Variants in ADAM28 observed in about 807,000 individuals in gnomAD.
The protein encoded by ADAM28 is disintegrin and metalloproteinase domain-containing protein 28.
Under a neutral mutation model 101.2 loss-of-function variants are expected in ADAM28, and 105 were observed. That is an observed-to-expected ratio of 1.04 (90% CI 0.89 to 1.22). The LOEUF (loss-of-function observed/expected upper bound fraction) is 1.22, where lower values mean the gene tolerates loss of function less well. Ranked by LOEUF, ADAM28 falls within the 50% of genes most tolerant of loss-of-function variation. The probability of loss-of-function intolerance (pLI) is 0.00; values close to 1 mark genes in which losing one functional copy is unlikely to be tolerated. For missense variants in ADAM28, 1,028 were observed against 945.4 expected (o/e 1.09, Z -1.15); for synonymous variants, 322 against 310.6 (o/e 1.04, Z -0.39).
chr8:24,348,653 C>A (rs1467235319), intron 18 of ADAM28, among the ~76,000 whole-genome samples: 1 of 152,074 alleles, frequency 6.6e-6, no homozygotes, highest in African/African-American at 2.4e-5. Flanking sequence ...TTTTAATGGG[C>A]AGGTTGATCT....
chr8:24,345,439 T>C (rs1815291688), intron 18 of ADAM28, among the ~76,000 whole-genome samples: 1 of 152,100 alleles, frequency 6.6e-6, no homozygotes, highest in South Asian at 2.1e-4. Flanking sequence ...TATCATAATA[T>C]ACATTTTTTA....
At position 24,326,441 on chromosome 8, in the gene ADAM28, G is replaced by A. The variant is rs568261418; in HGVS notation, c.891-113G>A. The stretch of plus-strand genomic sequence containing the variant: ...TCAAAAACTAAAGAAAAATATGACA[G>A]TGATGGTTCACAGTGAGTTTTTCTG... On this transcript the variant is annotated intron_variant, in intron 9 of 22. Transcript: ENST00000265769. 9.9e-5 allele frequency: 91 copies of A among 923,216 alleles called. 1 individual carries two copies. In the South Asian group the frequency reaches 1.3e-3, roughly 14 times the overall value. The allele number at this position is 923,216 out of a possible 1,614,324, so 57.2% of individuals were successfully genotyped here.
Position 24,318,634 on chromosome 8 carries a change from TTC to T in ADAM28, c.577-1595_577-1594del, listed in dbSNP as rs1006272659. Among the ~76,000 whole-genome samples, 3 of 151,952 alleles carry T rather than the reference TTC, an allele frequency of 2.0e-5. No homozygotes were observed. In the South Asian group the frequency reaches 6.2e-4, roughly 32 times the overall value. ...TTTCTAAACCACAAACAAAACCTACTTCTCTCTCATTCTCCCCATTTTACTTA... is the reference window on the plus strand; with the variant it reads ...TTTCTAAACCACAAACAAAACCTACTTCTCTCATTCTCCCCATTTTACTTA... On this transcript the variant is annotated intron_variant, in intron 6 of 22. Coordinates refer to ENST00000265769, the MANE Select transcript of ADAM28 (RefSeq NM_014265.6).
intron 2 of ADAM28, among the ~76,000 whole-genome samples, chr8:24,305,437 T>G (rs905442142): frequency 1.3e-5 from 2 of 150,426 alleles, no homozygotes; most frequent in Admixed American, 1.3e-4. Flanking sequence ...TCCAGGTAAA[T>G]TTTTAAGAGG....
intron 14 of ADAM28, among the ~76,000 whole-genome samples, chr8:24,338,806 T>G (rs956961875): frequency 6.6e-6 from 1 of 152,090 alleles, no homozygotes; most frequent in Non-Finnish European, 1.5e-5. Context: ...TGTGACTTGA[T>G]AGGATTCTGT....
chr8:24,343,735 C>A, intron 18 of ADAM28, 151 bp downstream of exon 18: 1 of 635,036 alleles, frequency 1.6e-6, no homozygotes, highest in Non-Finnish European at 2.6e-6. Flanking sequence ...CCCCAAATCT[C>A]CTTAATACCT....
At position 24,335,537 on chromosome 8, in the gene ADAM28, A is replaced by G. The variant is rs750475532; in HGVS notation, c.1463A>G (p.Asp488Gly). The change falls in exon 14 of 23, where the codon GAT becomes GGT. Residue 488 changes from aspartate to glycine, a missense_variant. Asp to Gly is a moderately conservative substitution (Grantham distance 94). Coordinates refer to ENST00000265769, the MANE Select transcript of ADAM28 (RefSeq NM_014265.6). ...GGTAAATCTGGTAATTGTCCTGATG[A>G]TAGATTCCAAGTCAATGGCTTCCCT... Reference protein sequence around the residue: ...CNGKSGNCPDDRFQVNGFPCH... With the variant: ...CNGKSGNCPDGRFQVNGFPCH... 6.2e-7 allele frequency: 1 copy of G among 1,614,180 alleles called. No homozygotes were observed. The highest frequency in any genetic ancestry group is 1.7e-5 in the Admixed American group (1 of 60,026).
At chr8:24,298,433 T>TTTTTGAAA (rs1808273344) in intron 1 of ADAM28, among the ~76,000 whole-genome samples, 1 of 152,192 alleles carries the variant, frequency 6.6e-6, no homozygotes, top group Non-Finnish European at 1.5e-5. Context: ...AAACGCTGTT[T>TTTTTGAAA]TTTGAAAGTT....
At chr8:24,328,261 C>T (rs917452426) in intron 10 of ADAM28, among the ~76,000 whole-genome samples, 9 of 151,804 alleles carry the variant, frequency 5.9e-5, no homozygotes, top group African/African-American at 1.9e-4. Context: ...AATATATTTT[C>T]ACAGACTTTT....
chr8:24,356,409 A>G lies in ADAM28; in HGVS notation c.*2005A>G, dbSNP rs62499965. ...CCATAACCCAAGCAAAAACTAAACC[A>G]TACACTCTCAAAAGCAGTGGCATGT... On this transcript the variant is annotated 3_prime_UTR_variant, in exon 23 of 23. Coordinates refer to ENST00000265769, the MANE Select transcript of ADAM28 (RefSeq NM_014265.6). 9,538 of 152,256 alleles carry G rather than the reference A, an allele frequency of 0.063. 423 individuals are homozygous for G. Among genetic ancestry groups the G allele is most frequent in the Middle Eastern group, 0.1 (30 of 294 alleles). The allele number at this position is 152,256 out of a possible 1,614,324, so 9.4% of individuals were successfully genotyped here. A position where few individuals can be genotyped will look rare whatever the true frequency, so the allele number is the denominator to read the frequency against.
At chr8:24,309,796 A>G in intron 2 of ADAM28, 98 bp from the exon 3 acceptor site, 1 of 927,974 alleles carries the variant, frequency 1.1e-6, no homozygotes, top group Non-Finnish European at 1.7e-6. Context: ...TATACTGCTA[A>G]AAAATAGATA....
chr8:24,326,410 G>T (rs1812624759), intron 9 of ADAM28, 144 bp from the exon 10 acceptor site: 2 of 663,062 alleles, frequency 3.0e-6, no homozygotes, highest in Non-Finnish European at 4.9e-6. Context: ...AATGCCTTAT[G>T]CAAATTCAAA....
rs749831879 is a variant in ADAM28, at chr8:24,331,269, C to A, written c.1223C>A (p.Pro408Gln). Residue 408 changes from proline to glutamine, a missense_variant, in exon 12 of 23, where the codon CCA (proline) becomes CAA (glutamine). Physicochemically the swap from Pro to Gln is moderately conservative, Grantham distance 76. Coordinates refer to ENST00000265769, the MANE Select transcript of ADAM28 (RefSeq NM_014265.6). ...TTGCCTACAGATATCATATCCACTC[C>A]AATTTGTGGGAACCAGTTGGTGGAA... ...APLPTDIIST[P>Q]ICGNQLVEMG... is the part of the protein sequence containing the mutation. 6.2e-7 allele frequency: 1 copy of A among 1,612,642 alleles called. No individual in the cohort carries two copies. The highest frequency in any genetic ancestry group is 8.5e-7 in the Non-Finnish European group (1 of 1,179,292).
intron 6 of ADAM28, among the ~76,000 whole-genome samples, 185 bp downstream of exon 6, chr8:24,313,765 T>TC (rs1810793803): frequency 6.6e-6 from 1 of 151,890 alleles, no homozygotes. Context: ...ACTATTTTTT[T>TC]TTTTTTTTTG....
chr8:24,322,565 G>C (rs1812024980), intron 8 of ADAM28: 1 of 152,034 alleles, frequency 6.6e-6, no homozygotes, highest in African/African-American at 2.4e-5. Context: ...TTTAAAGTGA[G>C]AGCAATCAGA....
At chr8:24,306,180 TACAC>T (rs956992982) in intron 2 of ADAM28, among the ~76,000 whole-genome samples, 3 of 150,972 alleles carry the variant, frequency 2.0e-5, no homozygotes, top group African/African-American at 4.9e-5. Context: ...CTACTAAAAA[TACAC>T]ACACACAAAT....
At chr8:24,307,355 G>A (rs927778064) in intron 2 of ADAM28, among the ~76,000 whole-genome samples, 1 of 152,140 alleles carries the variant, frequency 6.6e-6, no homozygotes, top group African/African-American at 2.4e-5. Context: ...AGAGAACTGA[G>A]GCACTGGCTT....
intron 14 of ADAM28, among the ~76,000 whole-genome samples, chr8:24,338,378 A>G (rs764446152): frequency 1.3e-5 from 2 of 152,220 alleles, no homozygotes; most frequent in African/African-American, 2.4e-5. Context: ...ACCTTCTGCA[A>G]TATCAGCAGC....
intron 14 of ADAM28, among the ~76,000 whole-genome samples, chr8:24,338,579 TAA>T (rs75252358): frequency 6.6e-6 from 1 of 151,930 alleles, no homozygotes; most frequent in Non-Finnish European, 1.5e-5. Context: ...ATACAAATAA[TAA>T]AAAGTAACAA....
Sources: gnomAD v4.1 joint callset for allele counts (sites outside exome capture counted in the v4.1 genomes callset) on GRCh38, gnomAD v4.1.1 for gene constraint, MANE v1.5 for transcripts, NCBI Gene and HGNC (gene_info 2026-07-23, HGNC 2026-07-21) for gene names.